RFX2: variants seen among roughly 807,000 people sequenced by gnomAD.
The protein encoded by RFX2 is DNA-binding protein RFX2.
In RFX2, 20 loss-of-function variants were observed where a neutral mutation model predicts 87.8. The observed-to-expected ratio is 0.23, with a 90% CI of 0.16 to 0.33. The LOEUF is 0.33. Among genes scored for constraint, RFX2 ranks in the 10% least tolerant of loss-of-function variants. RFX2 has a pLI of 1.00. For synonymous variants in RFX2, 397 were observed against 431.3 expected (o/e 0.92, Z 0.98); for missense variants, 767 against 1,012.3 (o/e 0.76, Z 3.29).
chr19:6,087,989 C>T (rs934068810), intron 1 of RFX2, among the ~76,000 whole-genome samples: 1 of 152,116 alleles, frequency 6.6e-6, no homozygotes, highest in Non-Finnish European at 1.5e-5. Flanking sequence ...AAGCTGCACA[C>T]CCACTTCCAG....
rs1157981309 is a variant in RFX2 at position 6,039,911 on chromosome 19, C to G, written c.522+69G>C. ...GGGCCTCCGGCTGCCTCTTACTCAC[C>G]ATCCCTGCTGCCGCTGCTTCGAGAA... On this transcript the variant is annotated intron_variant, in intron 5 of 17. Coordinates refer to ENST00000303657, the MANE Select transcript of RFX2 (RefSeq NM_000635.4). The surrounding 1 kb of genome is among the most constrained non-coding windows in gnomAD (Gnocchi z 5.2). 2.8e-5 allele frequency: 41 copies of G among 1,455,716 alleles called. No homozygotes were observed. Among genetic ancestry groups the G allele is most frequent in the Non-Finnish European group, 3.6e-5 (39 of 1,090,162 alleles). 90.2% of individuals were successfully genotyped at this position (1,455,716 alleles called of 1,614,324 possible). A position where few individuals can be genotyped will look rare whatever the true frequency, so the allele number is the denominator to read the frequency against.
chr19:6,102,256 C>T (rs1477874881), intron 1 of RFX2, among the ~76,000 whole-genome samples: 1 of 152,158 alleles, frequency 6.6e-6, no homozygotes, highest in Non-Finnish European at 1.5e-5. Flanking sequence ...CTTTGTCTGC[C>T]CTCTGTGCCC....
Position 6,044,101 on chromosome 19 carries a change from C to A in RFX2, c.180+92G>T. 1.6e-6 allele frequency: 1 copy of A among 633,280 alleles called. No individual in the cohort carries two copies. Among genetic ancestry groups the A allele is most frequent in the Non-Finnish European group, 2.3e-6 (1 of 426,326 alleles). 39.2% of individuals were successfully genotyped at this position (633,280 alleles called of 1,614,324 possible). Reference sequence around the variant, plus strand: ...GAAGCTTACAACAAGGAACAGCAGCCACAGAAAAGGATGCATCCTTCAGAG... The same window carrying A: ...GAAGCTTACAACAAGGAACAGCAGCAACAGAAAAGGATGCATCCTTCAGAG... On this transcript the variant is annotated intron_variant, in intron 3 of 17. Coordinates refer to ENST00000303657, the MANE Select transcript of RFX2 (RefSeq NM_000635.4). The surrounding 1 kb of genome is among the most constrained non-coding windows in gnomAD (Gnocchi z 5.3).
intron 6 of RFX2, among the ~76,000 whole-genome samples, chr19:6,018,983 C>T (rs2086768904): frequency 6.6e-6 from 1 of 152,190 alleles, no homozygotes; most frequent in South Asian, 2.1e-4. Flanking sequence ...GCACCAGGGA[C>T]CCCTCGCCCT....
Position 5,997,597 on chromosome 19 carries a change from G to T in RFX2, c.1860-384C>A, listed in dbSNP as rs1243475795. On this transcript the variant is annotated intron_variant, in intron 15 of 17. Coordinates refer to ENST00000303657, the MANE Select transcript of RFX2 (RefSeq NM_000635.4). This position sits in a 1 kb window ranked among gnomAD's most constrained non-coding sequence, Gnocchi z 4.2. ...CTCCGAATCAGAGCACAGGCTGGCA[G>T]CTGGTGCCTGTCTCCCCAGCAGGAG... Among the ~76,000 whole-genome samples the T allele has an allele frequency of 6.6e-6, 1 of 152,204 alleles. No individual in the cohort carries two copies. The highest frequency in any genetic ancestry group is 1.5e-5 in the Non-Finnish European group (1 of 68,036).
At position 6,021,318 on chromosome 19, in the gene RFX2, C is replaced by T. The variant is rs958748060; in HGVS notation, c.597+4845G>A. ...TGTTTAGGTGCTGGGGATGCAACGG[C>T]GAATAAAAGACAAAAACCCCTGCCC... On this transcript the variant is annotated intron_variant, in intron 6 of 17. Transcript: ENST00000303657. The surrounding 1 kb of genome is among the most constrained non-coding windows in gnomAD (Gnocchi z 5.7). Among the ~76,000 whole-genome samples the T allele has an allele frequency of 3.9e-5, 6 of 152,150 alleles. No individual in the cohort carries two copies. The highest frequency in any genetic ancestry group is 4.1e-4 in the South Asian group (2 of 4,830).
chr19:5,995,042 C>G, intron 17 of RFX2, 92 bp from the exon 18 acceptor site: 1 of 985,824 alleles, frequency 1.0e-6, no homozygotes, highest in Non-Finnish European at 1.5e-6. Flanking sequence ...CTCCGGCACG[C>G]CAGGCAGGGC....
At chr19:6,052,472 G>A (rs2087279388) in intron 1 of RFX2, among the ~76,000 whole-genome samples, 1 of 152,094 alleles carries the variant, frequency 6.6e-6, no homozygotes, top group African/African-American at 2.4e-5. Context: ...TTTGATTACT[G>A]AATCAAAATT....
At chr19:6,089,942 T>C (rs2087909694) in intron 1 of RFX2, among the ~76,000 whole-genome samples, 1 of 152,170 alleles carries the variant, frequency 6.6e-6, no homozygotes, top group Non-Finnish European at 1.5e-5. Context: ...ATTGTTTGTA[T>C]AAGATAACAT....
intron 5 of RFX2, among the ~76,000 whole-genome samples, chr19:6,035,848 GGGGTGTGTGTGTGTGTGT>G (rs905719735): frequency 3.8e-4 from 32 of 85,330 alleles, no homozygotes; most frequent in African/African-American, 1.9e-3. Flanking sequence ...AGCTTGGTGG[GGGGTGTGTGTGTGTGTGT>G]GTGTGTGTGT....
chr19:6,037,839 T>C (rs538146123), intron 5 of RFX2, among the ~76,000 whole-genome samples: 83 of 152,232 alleles, frequency 5.5e-4, no homozygotes, highest in African/African-American at 1.9e-3. Flanking sequence ...TAGGACACTC[T>C]GAAATAAACC....
At chr19:6,099,632 C>T (rs2088086558) in intron 1 of RFX2, among the ~76,000 whole-genome samples, 1 of 151,948 alleles carries the variant, frequency 6.6e-6, no homozygotes, top group Admixed American at 6.6e-5. Context: ...GCCCTATGTA[C>T]AACATAGCCT....
chr19:6,066,112 G>A (rs762105654), intron 1 of RFX2, among the ~76,000 whole-genome samples: 73 of 152,160 alleles, frequency 4.8e-4, no homozygotes, highest in African/African-American at 1.6e-3. Context: ...GCTTGCCAGC[G>A]GAGGAGGTGG....
chr19:6,106,223 C>T (rs987839902), intron 1 of RFX2, among the ~76,000 whole-genome samples: 3 of 147,062 alleles, frequency 2.0e-5, no homozygotes, highest in East Asian at 2.0e-4. Context: ...TATATTCCAT[C>T]GGCCTGCCCA....
Position 6,083,218 on chromosome 19 carries a change from A to T in RFX2, c.-9+27175T>A, listed in dbSNP as rs1229645663. Reference sequence around the variant, plus strand: ...CACTGTGCCCGGCCTTCATCATGAAATTTTTTGGCATTTATTTTGATTTTT... The same window carrying T: ...CACTGTGCCCGGCCTTCATCATGAATTTTTTTGGCATTTATTTTGATTTTT... On this transcript the variant is annotated intron_variant, in intron 1 of 17. Coordinates refer to ENST00000303657, the MANE Select transcript of RFX2 (RefSeq NM_000635.4). This position sits in a 1 kb window ranked among gnomAD's most constrained non-coding sequence, Gnocchi z 4.6. Among the ~76,000 whole-genome samples, 3 of 152,068 alleles carry T rather than the reference A, an allele frequency of 2.0e-5. No individual in the cohort carries two copies. The highest frequency in any genetic ancestry group is 1.5e-5 in the Non-Finnish European group (1 of 68,006).
At position 5,994,810 on chromosome 19, in the gene RFX2, C is replaced by T; in HGVS notation, c.*25G>A. On this transcript the variant is annotated 3_prime_UTR_variant, in exon 18 of 18. Transcript: ENST00000303657. The stretch of plus-strand genomic sequence containing the variant: ...GTGACCAGGCGGCATCTTTTGGAAC[C>T]TCGAGGAGGCGCCGGCCGGGGCTGC... 7.1e-7 allele frequency: 1 copy of T among 1,416,780 alleles called. No homozygotes were observed. Among genetic ancestry groups the T allele is most frequent in the Non-Finnish European group, 9.9e-7 (1 of 1,012,566 alleles). 87.8% of individuals were successfully genotyped at this position (1,416,780 alleles called of 1,614,324 possible). A position where few individuals can be genotyped will look rare whatever the true frequency, so the allele number is the denominator to read the frequency against.
chr19:6,106,073 C>T lies in RFX2; in HGVS notation c.-9+4320G>A, dbSNP rs78238418. Among the ~76,000 whole-genome samples, 383 of 152,344 alleles carry T rather than the reference C, an allele frequency of 2.5e-3. 2 individuals carry two copies. The highest frequency in any genetic ancestry group is 8.7e-3 in the African/African-American group (361 of 41,578). ...CTCTCTGGACCTTTTGCCACTCCTC[C>T]TTCACCTACCCTTATCCCTTTCGCC... On this transcript the variant is annotated intron_variant, in intron 1 of 17. Coordinates refer to ENST00000303657, the MANE Select transcript of RFX2 (RefSeq NM_000635.4).
Position 6,016,067 on chromosome 19 carries a change from T to G in RFX2, c.779+23A>C, listed in dbSNP as rs759488367. ...TTGGGAAAGGAAGAGGAAGAACAGG[T>G]GGGCTGGGGATCGTCTACCCACCTG... On this transcript the variant is annotated intron_variant, in intron 7 of 17. Coordinates refer to ENST00000303657, the MANE Select transcript of RFX2 (RefSeq NM_000635.4). The surrounding 1 kb of genome is among the most constrained non-coding windows in gnomAD (Gnocchi z 5.4). 20 of 1,563,310 alleles carry G rather than the reference T, an allele frequency of 1.3e-5. No individual in the cohort carries two copies. The highest frequency in any genetic ancestry group is 1.6e-5 in the Non-Finnish European group (18 of 1,151,140).
rs983088341 is a variant in RFX2, at chr19:6,024,715, CAGTGAGGACGGG to C, written c.597+1436_597+1447del. Among the ~76,000 whole-genome samples, 2 of 151,736 alleles carry C rather than the reference CAGTGAGGACGGG, an allele frequency of 1.3e-5. No homozygotes were observed. The highest frequency in any genetic ancestry group is 4.8e-5 in the African/African-American group (2 of 41,278). ...CAGCACAGAAGTCAGGATGGAATCA[CAGTGAGGACGGG>C]AGTGAGGACGGGATCACGGTGAGGA... On this transcript the variant is annotated intron_variant, in intron 6 of 17. Coordinates refer to ENST00000303657, the MANE Select transcript of RFX2 (RefSeq NM_000635.4). This position sits in a 1 kb window ranked among gnomAD's most constrained non-coding sequence, Gnocchi z 5.0.
Sources: allele counts gnomAD v4.1 joint callset (sites outside exome capture counted in the v4.1 genomes callset), GRCh38; gene constraint gnomAD v4.1.1; non-coding constraint Gnocchi (gnomAD v3.1); transcripts MANE v1.5; gene names NCBI Gene and HGNC (gene_info 2026-07-23, HGNC 2026-07-21).